TOX: variants seen among roughly 807,000 people sequenced by gnomAD.
TOX encodes thymocyte selection-associated high mobility group box protein TOX.
A neutral mutation model predicts 53.7 loss-of-function variants in TOX; 11 were observed. The ratio of observed to expected loss-of-function variants is 0.20; its 90% CI spans 0.13 to 0.34. The LOEUF (loss-of-function observed/expected upper bound fraction) is 0.34, where lower values mean the gene tolerates loss of function less well. Among genes scored for constraint, TOX ranks in the 10% least tolerant of loss-of-function variants. The probability of loss-of-function intolerance (pLI) is 1.00; values close to 1 mark genes in which losing one functional copy is unlikely to be tolerated. For synonymous variants in TOX, 225 were observed against 245.3 expected (o/e 0.92, Z 0.77); for missense variants, 570 against 664.6 (o/e 0.86, Z 1.56).
chr8:58,929,743 A>G (rs969521343), intron 3 of TOX, among the ~76,000 whole-genome samples: 2 of 152,158 alleles, frequency 1.3e-5, no homozygotes, highest in Admixed American at 1.3e-4. Flanking sequence ...TGGCAAGCTG[A>G]GATATAATCA....
intron 1 of TOX, among the ~76,000 whole-genome samples, chr8:59,008,645 G>A (rs1007639066): frequency 6.6e-6 from 1 of 152,184 alleles, no homozygotes; most frequent in African/African-American, 2.4e-5. Flanking sequence ...GTAATGACCA[G>A]TCATACGTCC....
intron 3 of TOX, among the ~76,000 whole-genome samples, chr8:58,929,788 G>T (rs1002626787): frequency 1.3e-5 from 2 of 152,172 alleles, no homozygotes; most frequent in South Asian, 4.2e-4. Context: ...AGTCATATGG[G>T]CAAATGTTTA....
intron 1 of TOX, among the ~76,000 whole-genome samples, chr8:59,032,023 G>C (rs1028672381): frequency 3.3e-5 from 5 of 152,186 alleles, no homozygotes; most frequent in African/African-American, 1.2e-4. Context: ...GGTGAAAAAG[G>C]GATGGTAGGG....
intron 2 of TOX, among the ~76,000 whole-genome samples, chr8:58,946,709 AT>A (rs1233750052): frequency 2.6e-5 from 4 of 152,148 alleles, no homozygotes; most frequent in Non-Finnish European, 5.9e-5. Flanking sequence ...GTGCTCATTA[AT>A]TTTTTTAACT....
chr8:59,064,275 A>G (rs16924532), intron 1 of TOX, among the ~76,000 whole-genome samples: 10,700 of 152,132 alleles, frequency 0.07, 438 homozygotes, highest in East Asian at 0.2. Flanking sequence ...TTCTTTGGAG[A>G]CCTTTAGGGA....
chr8:58,955,706 C>A (rs969250121), intron 2 of TOX, among the ~76,000 whole-genome samples: 1 of 149,616 alleles, frequency 6.7e-6, no homozygotes, highest in Non-Finnish European at 1.5e-5. Context: ...ACAGAATGAA[C>A]AAACAGGCAG....
intron 1 of TOX, among the ~76,000 whole-genome samples, chr8:59,056,396 C>A (rs546082418): frequency 1.6e-5 from 2 of 121,890 alleles, no homozygotes; most frequent in Non-Finnish European, 3.2e-5. Context: ...CGTGCCACTG[C>A]ACTCCAGCCT....
At chr8:59,030,183 T>C (rs1814329073) in intron 1 of TOX, among the ~76,000 whole-genome samples, 1 of 152,210 alleles carries the variant, frequency 6.6e-6, no homozygotes, top group Non-Finnish European at 1.5e-5. Context: ...TTCTCTAAAC[T>C]GTCTATTGTA....
At chr8:58,868,321 A>G (rs973380131) in intron 3 of TOX, among the ~76,000 whole-genome samples, 11 of 152,216 alleles carry the variant, frequency 7.2e-5, no homozygotes, top group Admixed American at 7.2e-4. Context: ...AAACAGACTA[A>G]TAGAATTTTG....
At chr8:59,114,084 A>G (rs562177979) in intron 1 of TOX, among the ~76,000 whole-genome samples, 4 of 152,210 alleles carry the variant, frequency 2.6e-5, no homozygotes. Context: ...CCACCCCTAA[A>G]ACTGGAAATT....
chr8:58,935,628 A>G (rs1472406391), intron 3 of TOX, among the ~76,000 whole-genome samples: 1 of 152,144 alleles, frequency 6.6e-6, no homozygotes. Flanking sequence ...TTAAACTCTC[A>G]TATCTGTAGA....
intron 1 of TOX, among the ~76,000 whole-genome samples, chr8:59,076,018 A>G (rs1039974385): frequency 2.1e-5 from 3 of 139,870 alleles, no homozygotes; most frequent in African/African-American, 9.4e-5. Context: ...AAAAAAAAAA[A>G]AGGGGGTCAG....
At chr8:59,087,804 G>A (rs1804539776) in intron 1 of TOX, among the ~76,000 whole-genome samples, 1 of 152,172 alleles carries the variant, frequency 6.6e-6, no homozygotes, top group South Asian at 2.1e-4. Flanking sequence ...CCAGTTATGG[G>A]GTTTGATTTC....
chr8:59,086,182 A>G (rs1804506324), intron 1 of TOX, among the ~76,000 whole-genome samples: 1 of 151,248 alleles, frequency 6.6e-6, no homozygotes, highest in Non-Finnish European at 1.5e-5. Context: ...ATGGAGTTTC[A>G]CCATATTGTT....
chr8:58,952,646 G>A (rs1368289978), intron 2 of TOX, among the ~76,000 whole-genome samples: 2 of 152,134 alleles, frequency 1.3e-5, no homozygotes. Context: ...AATAAACCAT[G>A]CTCCATATGG....
At chr8:59,068,576 T>C (rs1003037191) in intron 1 of TOX, among the ~76,000 whole-genome samples, 1 of 152,316 alleles carries the variant, frequency 6.6e-6, no homozygotes, top group East Asian at 1.9e-4. Context: ...GACTTACTCT[T>C]CTTGTGTATC....
In TOX at chr8:58,851,630, C is replaced by G. The variant is rs200299713; in HGVS notation, c.587G>C (p.Gly196Ala). ...QLSAQLGLNM[G>A]GSNVPHNSPS... ...TGAGTTGTGGGGAACATTGCTTCCT[C>G]CCATATTCAAACCAAGTTGAGCACT... Residue 196 changes from glycine (G) to alanine (A), a missense_variant, in exon 4 of 9, where the codon GGA becomes GCA. This residue lies in a region of TOX where 282 missense variants were observed against 315.0 expected (regional missense o/e 0.90). Transcript: ENST00000361421. This position sits in a 1 kb window ranked among gnomAD's most constrained non-coding sequence, Gnocchi z 4.4. 28 of 1,613,590 alleles carry G rather than the reference C, an allele frequency of 1.7e-5. No homozygotes were observed. The East Asian group carries it at 6.0e-4, about 35-fold the overall frequency.
intron 1 of TOX, among the ~76,000 whole-genome samples, chr8:59,055,233 G>A (rs908269810): frequency 1.3e-5 from 2 of 152,160 alleles, no homozygotes; most frequent in Non-Finnish European, 2.9e-5. Context: ...GGCCCCAGGG[G>A]ACAAGCACTG....
intron 1 of TOX, among the ~76,000 whole-genome samples, chr8:58,992,343 A>C (rs1365343113): frequency 6.6e-6 from 1 of 152,162 alleles, no homozygotes; most frequent in Non-Finnish European, 1.5e-5. Context: ...AAATGCATCA[A>C]TGATTTCAAA....
Sources: gnomAD v4.1 joint callset for allele counts (sites outside exome capture counted in the v4.1 genomes callset) on GRCh38, gnomAD v4.1.1 for gene constraint, gnomAD v4.1.1 regional missense constraint, Gnocchi (gnomAD v3.1) non-coding constraint, MANE v1.5 for transcripts, NCBI Gene and HGNC (gene_info 2026-07-23, HGNC 2026-07-21) for gene names.